CYBRD1: variants seen among roughly 807,000 people sequenced by gnomAD.
The protein encoded by CYBRD1 is cytochrome b reductase 1.
In CYBRD1, 14 loss-of-function variants were observed where a neutral mutation model predicts 21.9. The ratio of observed to expected loss-of-function variants is 0.64; its 90% CI spans 0.42 to 1.00. The LOEUF is 1.00. Among genes scored for constraint, CYBRD1 ranks in the 50% least tolerant of loss-of-function variants. The pLI is 0.00. For synonymous variants in CYBRD1, 146 were observed against 136.5 expected (o/e 1.07, Z -0.48); for missense variants, 328 against 352.5 (o/e 0.93, Z 0.56).
intron 2 of CYBRD1, among the ~76,000 whole-genome samples, chr2:171,552,658 A>T (rs1468238534): frequency 6.6e-6 from 1 of 152,234 alleles, no homozygotes; most frequent in African/African-American, 2.4e-5. Flanking sequence ...GGGTGACAAA[A>T]CCGTGAAAGC....
intron 2 of CYBRD1, among the ~76,000 whole-genome samples, chr2:171,552,243 T>C (rs28427085): frequency 0.046 from 7,027 of 152,316 alleles, 541 homozygotes; most frequent in African/African-American, 0.16. Flanking sequence ...TACATGACTG[T>C]TGAATCCTAC....
intron 1 of CYBRD1, 22 bp from the exon 2 acceptor site, chr2:171,541,563 G>T: frequency 6.2e-7 from 1 of 1,609,000 alleles, no homozygotes. Flanking sequence ...AACACATTCT[G>T]TGTCCTTTCG....
Position 171,541,734 on chromosome 2 carries a change from A to G in CYBRD1, c.343A>G (p.Asn115Asp), listed in dbSNP as rs139126991. ...FENHNVNNIA[N>D]MYSLHSWVGL... ...GAACCACAATGTTAACAATATAGCCAATATGTACAGTCTGCACAGCTGGGT... is the reference window on the plus strand; with the variant it reads ...GAACCACAATGTTAACAATATAGCCGATATGTACAGTCTGCACAGCTGGGT... Residue 115 changes from asparagine to aspartate, a missense_variant, in exon 2 of 4, where the codon AAT becomes GAT. By Grantham distance (23) the Asn-to-Asp change is conservative. Transcript: ENST00000321348. The G allele has an allele frequency of 2.4e-4, 380 of 1,613,920 alleles. 1 individual carries two copies. The highest frequency in any genetic ancestry group is 3.1e-4 in the Non-Finnish European group (366 of 1,179,994).
chr2:171,522,812 C>A lies in CYBRD1; in HGVS notation c.193+74C>A, dbSNP rs1697328169. ...CGGGGGCAGAGGGTCCTCCGTGAAG[C>A]CCCTTCCAGCTGAGGAAGTGCTGGA... is the stretch of plus-strand genomic sequence containing the variant. On this transcript the variant is annotated intron_variant, in intron 1 of 3. Transcript: ENST00000321348. The surrounding 1 kb of genome is among the most constrained non-coding windows in gnomAD (Gnocchi z 4.3). The A allele has an allele frequency of 2.5e-6, 4 of 1,593,380 alleles. No individual in the cohort carries two copies. Among genetic ancestry groups the A allele is most frequent in the Non-Finnish European group, 3.4e-6 (4 of 1,169,668 alleles).
chr2:171,546,288 G>T (rs1291282817), intron 2 of CYBRD1, among the ~76,000 whole-genome samples: 1 of 152,090 alleles, frequency 6.6e-6, no homozygotes, highest in African/African-American at 2.4e-5. Context: ...TATAAATCAA[G>T]GATTATAATC....
chr2:171,533,866 G>A (rs1469976012), intron 1 of CYBRD1, among the ~76,000 whole-genome samples: 3 of 150,512 alleles, frequency 2.0e-5, no homozygotes, highest in African/African-American at 7.3e-5. Context: ...CACCATGCCC[G>A]GCTAATTTTT....
intron 1 of CYBRD1, among the ~76,000 whole-genome samples, chr2:171,527,690 C>G (rs1470416472): frequency 6.6e-6 from 1 of 152,166 alleles, no homozygotes. Flanking sequence ...CCAGTTCTCC[C>G]TCCTTTTTCT....
At chr2:171,547,137 G>A (rs1211606577) in intron 2 of CYBRD1, among the ~76,000 whole-genome samples, 2 of 152,230 alleles carry the variant, frequency 1.3e-5, no homozygotes, top group South Asian at 2.1e-4. Flanking sequence ...GTGGGTAGAT[G>A]AGAAGGGAAA....
At chr2:171,525,438 A>C (rs35380972) in intron 1 of CYBRD1, among the ~76,000 whole-genome samples, 55,658 of 151,640 alleles carry the variant, frequency 0.37, 10,299 homozygotes, top group South Asian at 0.42. Context: ...TATCTTGGCC[A>C]ACCCATCCAC....
Position 171,553,475 on chromosome 2 carries a change from T to C in CYBRD1, c.532T>C (p.Leu178=), listed in dbSNP as rs1574446237. ...GTVIATALMG[L]TEKLIFSLRD... ...AGTGATTGCAACAGCACTTATGGGA[T>C]TGACAGAGAAACTGATTTTTTCCCT... The change falls in exon 3 of 4, where the codon TTG becomes CTG. Residue 178 remains leucine (L), a synonymous_variant. Coordinates refer to ENST00000321348, the MANE Select transcript of CYBRD1 (RefSeq NM_024843.4). The C allele has an allele frequency of 1.2e-6, 2 of 1,612,226 alleles. No homozygotes were observed. The highest frequency in any genetic ancestry group is 2.2e-5 in the East Asian group (1 of 44,828).
intron 1 of CYBRD1, among the ~76,000 whole-genome samples, chr2:171,532,612 C>A (rs1013694395): frequency 6.6e-6 from 1 of 152,008 alleles, no homozygotes; most frequent in African/African-American, 2.4e-5. Flanking sequence ...CCAGCCTGAA[C>A]ATCACGGCAA....
In CYBRD1 at chr2:171,548,645, T is replaced by TAAAAAA. The variant is rs57266656; in HGVS notation, c.403-4685_403-4680dup. 9.6e-3 allele frequency among the ~76,000 whole-genome samples: 865 copies of TAAAAAA among 89,878 alleles called. 17 individuals carry two copies. The highest frequency in any genetic ancestry group is 0.036 in the African/African-American group (795 of 22,088). The allele number at this position is 89,878 out of a possible 152,430, so 59.0% of individuals were successfully genotyped here. On this transcript the variant is annotated intron_variant, in intron 2 of 3. Transcript: ENST00000321348. Reference sequence around the variant, plus strand: ...AAGCTCATTAAATCTACCTGTACCCTAAAAAAAAAAAAAAAAAAAAAGCAA... The same window carrying TAAAAAA: ...AAGCTCATTAAATCTACCTGTACCCTAAAAAAAAAAAAAAAAAAAAAAAAAAAGCAA...
chr2:171,555,003 G>A lies in CYBRD1; in HGVS notation c.*176G>A, dbSNP rs946469031. 3.0e-6 allele frequency: 2 copies of A among 673,534 alleles called. No homozygotes were observed. The highest frequency in any genetic ancestry group is 5.0e-6 in the Non-Finnish European group (2 of 398,270). 41.7% of individuals were successfully genotyped at this position (673,534 alleles called of 1,614,324 possible). ...TGAGGCCTATGAACTGACCTGAATT[G>A]GAAAGGATGTGATTAATATAAATAA... is the stretch of plus-strand genomic sequence containing the variant. On this transcript the variant is annotated 3_prime_UTR_variant, in exon 4 of 4. Transcript: ENST00000321348.
chr2:171,542,544 C>G (rs1435815150), intron 2 of CYBRD1, among the ~76,000 whole-genome samples: 2 of 152,142 alleles, frequency 1.3e-5, no homozygotes, highest in African/African-American at 4.8e-5. Context: ...AGAGACTGAT[C>G]TAACAATTAG....
intron 1 of CYBRD1, among the ~76,000 whole-genome samples, chr2:171,532,780 G>A (rs1697486932): frequency 6.6e-6 from 1 of 151,772 alleles, no homozygotes; most frequent in Admixed American, 6.6e-5. Flanking sequence ...CAGCTTGGGC[G>A]ACATAGTGAG....
intron 1 of CYBRD1, among the ~76,000 whole-genome samples, chr2:171,525,947 TAAAAAAAAAA>T (rs58388653): frequency 1.6e-5 from 1 of 61,954 alleles, no homozygotes; most frequent in African/African-American, 7.3e-5. Context: ...AACTCCCGTC[TAAAAAAAAAA>T]AAAAAAAAAA....
chr2:171,553,991 G>T (rs560998936), intron 3 of CYBRD1, among the ~76,000 whole-genome samples: 1 of 152,140 alleles, frequency 6.6e-6, no homozygotes. Context: ...GCCACTCAAC[G>T]GCCCGATAGG....
intron 1 of CYBRD1, among the ~76,000 whole-genome samples, chr2:171,534,623 T>C (rs187264035): frequency 1.3e-5 from 2 of 152,318 alleles, no homozygotes; most frequent in Non-Finnish European, 1.5e-5. Context: ...AGAGCCTCTA[T>C]GTAGCCAGGA....
Position 171,556,674 on chromosome 2 carries a change from C to T in CYBRD1, c.*1847C>T, listed in dbSNP as rs2105350270. On this transcript the variant is annotated 3_prime_UTR_variant, in exon 4 of 4. Transcript: ENST00000321348. ...GATCCCCTTGCTGCAACACTGTTCT[C>T]TTCTTCTCTACTAAATTCTATTTCC... is the stretch of plus-strand genomic sequence containing the variant. The T allele has an allele frequency of 6.6e-6, 1 of 152,320 alleles. No homozygotes were observed. The highest frequency in any genetic ancestry group is 2.1e-4 in the South Asian group (1 of 4,822). The allele number at this position is 152,320 out of a possible 1,614,324, so 9.4% of individuals were successfully genotyped here.
Sources: gnomAD v4.1 joint callset for allele counts (sites outside exome capture counted in the v4.1 genomes callset) on GRCh38, gnomAD v4.1.1 for gene constraint, Gnocchi (gnomAD v3.1) non-coding constraint, MANE v1.5 for transcripts, NCBI Gene and HGNC (gene_info 2026-07-23, HGNC 2026-07-21) for gene names.